Variants in TFPI observed in about 807,000 individuals in gnomAD.
TFPI encodes the protein tissue factor pathway inhibitor.
A neutral mutation model predicts 34.6 loss-of-function variants in TFPI; 15 were observed. That is an observed-to-expected ratio of 0.43 (90% CI 0.29 to 0.67). The LOEUF is 0.67. TFPI is among the 30% of genes least tolerant of loss of function. The pLI is 0.15. For missense variants in TFPI, 301 were observed against 364.0 expected (o/e 0.83, Z 1.41); for synonymous variants, 105 against 120.1 (o/e 0.87, Z 0.82).
At chr2:187,545,060 G>C (rs374794945) in intron 1 of TFPI, among the ~76,000 whole-genome samples, 4 of 152,080 alleles carry the variant, frequency 2.6e-5, no homozygotes. Context: ...GCAGTGAGCC[G>C]TGATCGTGCC....
At chr2:187,507,850 A>G (rs1201485994) in intron 1 of TFPI, among the ~76,000 whole-genome samples, 1 of 152,094 alleles carries the variant, frequency 6.6e-6, no homozygotes, top group African/African-American at 2.4e-5. Flanking sequence ...TTTTGTTGCC[A>G]TTGCTTTTGG....
At position 187,505,755 on chromosome 2, in the gene TFPI, C is replaced by A. The variant is rs528351288; in HGVS notation, c.-2-1985G>T. Among the ~76,000 whole-genome samples the A allele has an allele frequency of 2.7e-4, 41 of 152,156 alleles. 1 individual carries two copies. In the South Asian group the frequency reaches 7.5e-3, roughly 28 times the overall value. Reference sequence around the variant, plus strand: ...CATTTGAGTTGGGAATTGTAGGAGACCATCATAGATTTGGTGGACCCAAAA... The same window carrying A: ...CATTTGAGTTGGGAATTGTAGGAGAACATCATAGATTTGGTGGACCCAAAA... On this transcript the variant is annotated intron_variant, in intron 1 of 7. Transcript: ENST00000233156.
At chr2:187,542,685 T>C (rs1357707627) in intron 1 of TFPI, among the ~76,000 whole-genome samples, 3 of 151,938 alleles carry the variant, frequency 2.0e-5, no homozygotes, top group African/African-American at 7.3e-5. Context: ...CTGACCAACA[T>C]GGTGAAACCT....
chr2:187,469,251 A>G (rs1323019617), intron 6 of TFPI, among the ~76,000 whole-genome samples: 1 of 152,084 alleles, frequency 6.6e-6, no homozygotes, highest in Non-Finnish European at 1.5e-5. Flanking sequence ...ATGAGAAGAA[A>G]TTTGAGACAG....
intron 6 of TFPI, among the ~76,000 whole-genome samples, chr2:187,482,567 G>A (rs958586916): frequency 1.3e-5 from 2 of 151,874 alleles, no homozygotes; most frequent in Non-Finnish European, 1.5e-5. Flanking sequence ...TGAATATATC[G>A]TATTTTCCAA....
chr2:187,523,195 T>C (rs1423913022), intron 1 of TFPI, among the ~76,000 whole-genome samples: 1 of 152,072 alleles, frequency 6.6e-6, no homozygotes, highest in African/African-American at 2.4e-5. Context: ...AATAAATACA[T>C]AAATAAATAA....
intron 1 of TFPI, chr2:187,516,709 C>T (rs914636430): frequency 1.3e-5 from 2 of 152,106 alleles, no homozygotes; most frequent in Non-Finnish European, 2.9e-5. Flanking sequence ...TGAAATTCAC[C>T]GACAGACAGC....
At chr2:187,485,914 A>G (rs1318531467) in intron 4 of TFPI, among the ~76,000 whole-genome samples, 2 of 151,674 alleles carry the variant, frequency 1.3e-5, no homozygotes, top group Non-Finnish European at 3.0e-5. Flanking sequence ...TTTTCATCTT[A>G]AAGCAACTTG....
At chr2:187,500,592 T>C (rs1032240152) in intron 2 of TFPI, among the ~76,000 whole-genome samples, 14 of 152,194 alleles carry the variant, frequency 9.2e-5, no homozygotes, top group Non-Finnish European at 1.6e-4. Flanking sequence ...GTGATAATTT[T>C]ATAGAAATTT....
rs779984501 is a variant in TFPI, at chr2:187,467,749, A to G, written c.808+4T>C. On this transcript the variant is annotated splice_donor_region_variant and intron_variant, in intron 7 of 7. Coordinates refer to ENST00000233156, the MANE Select transcript of TFPI (RefSeq NM_006287.6). Reference sequence around the variant, plus strand: ...TCAATTAATGGGAAGAGTATCTTCTATACCTTTTTTACATGCCCTCAGACA... The same window carrying G: ...TCAATTAATGGGAAGAGTATCTTCTGTACCTTTTTTACATGCCCTCAGACA... 38 of 1,596,722 alleles carry G rather than the reference A, an allele frequency of 2.4e-5. 1 individual carries two copies. In the South Asian group the frequency reaches 3.9e-4, roughly 16 times the overall value.
chr2:187,495,242 G>A lies in TFPI; in HGVS notation c.319+1639C>T, dbSNP rs1287311743. Among the ~76,000 whole-genome samples, 6 of 152,136 alleles carry A rather than the reference G, an allele frequency of 3.9e-5. No homozygotes were observed. In the East Asian group the frequency reaches 1.2e-3, roughly 29 times the overall value. On this transcript the variant is annotated intron_variant, in intron 3 of 7. Transcript: ENST00000233156. ...ATAAAAAGAACAGGTATATATTTCAGGAAAGAGGCCAGTTGATGAAAATAA... is the reference window on the plus strand; with the variant it reads ...ATAAAAAGAACAGGTATATATTTCAAGAAAGAGGCCAGTTGATGAAAATAA...
intron 1 of TFPI, chr2:187,514,526 A>T (rs1246199301): frequency 2.0e-5 from 3 of 152,224 alleles, no homozygotes; most frequent in African/African-American, 7.2e-5. Context: ...CAGGGAGAAA[A>T]CTTAGCATTC....
chr2:187,553,337 C>CT (rs1689159685), intron 1 of TFPI, among the ~76,000 whole-genome samples: 1 of 152,028 alleles, frequency 6.6e-6, no homozygotes, highest in South Asian at 2.1e-4. Flanking sequence ...TTCCAGAGCA[C>CT]TGAGTCACAG....
intron 1 of TFPI, chr2:187,514,183 AT>A (rs1304898708): frequency 1.3e-5 from 2 of 152,252 alleles, no homozygotes; most frequent in Non-Finnish European, 2.9e-5. Context: ...TAAAGACTTA[AT>A]ACAAACTTTG....
intron 1 of TFPI, among the ~76,000 whole-genome samples, chr2:187,528,199 C>T (rs1436155410): frequency 6.6e-6 from 1 of 152,078 alleles, no homozygotes; most frequent in Non-Finnish European, 1.5e-5. Flanking sequence ...TAATTAACCT[C>T]ATCAGAGAAG....
chr2:187,479,456 CTATT>C (rs1249220376), intron 6 of TFPI, among the ~76,000 whole-genome samples: 3 of 147,684 alleles, frequency 2.0e-5, no homozygotes, highest in African/African-American at 7.5e-5. Context: ...TTTCTGATAT[CTATT>C]TATTTATCTA....
chr2:187,474,949 A>AAGAT (rs2105969669), intron 6 of TFPI, among the ~76,000 whole-genome samples: 1 of 152,296 alleles, frequency 6.6e-6, no homozygotes, highest in South Asian at 2.1e-4. Context: ...AAGTTTTGAG[A>AAGAT]AGATAGAATA....
At chr2:187,545,086 G>A (rs2106318521) in intron 1 of TFPI, among the ~76,000 whole-genome samples, 1 of 152,216 alleles carries the variant, frequency 6.6e-6, no homozygotes, top group East Asian at 1.9e-4. Flanking sequence ...GCTCCAGCCT[G>A]GGTGACAGAG....
intron 4 of TFPI, among the ~76,000 whole-genome samples, chr2:187,485,700 C>T (rs8176611): frequency 0.038 from 5,742 of 151,772 alleles, 173 homozygotes; most frequent in South Asian, 0.12. Context: ...AGGCTAAACA[C>T]AGCTGTCATA....
Sources: gnomAD v4.1 joint callset for allele counts (sites outside exome capture counted in the v4.1 genomes callset) on GRCh38, gnomAD v4.1.1 for gene constraint, MANE v1.5 for transcripts, NCBI Gene and HGNC (gene_info 2026-07-23, HGNC 2026-07-21) for gene names.